Variants in POFUT3 observed in about 807,000 individuals in gnomAD.
The protein encoded by POFUT3 is GDP-fucose protein O-fucosyltransferase 3.
the POFUT3 span, among the ~76,000 whole-genome samples, chr8:33,325,619 T>TTC: frequency 6.6e-6 from 1 of 152,238 alleles, no homozygotes; most frequent in African/African-American, 2.4e-5. Flanking sequence ...CTTTACAATA[T>TTC]TGTAGCAGAT....
the POFUT3 span, among the ~76,000 whole-genome samples, chr8:33,458,835 G>A: frequency 6.6e-6 from 1 of 152,198 alleles, no homozygotes. Flanking sequence ...CAAGGAAAGA[G>A]ACACATGTTG....
chr8:33,376,103 T>C, the POFUT3 span, among the ~76,000 whole-genome samples: 1 of 151,816 alleles, frequency 6.6e-6, no homozygotes, highest in Non-Finnish European at 1.5e-5. Context: ...AATATTGTGG[T>C]TGCTTCTGGG....
At chr8:33,310,738 G>A in the POFUT3 span, among the ~76,000 whole-genome samples, 548 of 150,374 alleles carry the variant, frequency 3.6e-3, 3 homozygotes, top group African/African-American at 0.012. Context: ...GAACATTGTC[G>A]AGCAGAGCTG....
At chr8:33,379,864 T>A in the POFUT3 span, among the ~76,000 whole-genome samples, 60 of 123,980 alleles carry the variant, frequency 4.8e-4, no homozygotes, top group African/African-American at 1.7e-3. Flanking sequence ...TATATATATA[T>A]AATATATATA....
the POFUT3 span, among the ~76,000 whole-genome samples, chr8:33,365,771 G>C: frequency 6.6e-6 from 1 of 152,196 alleles, no homozygotes; most frequent in East Asian, 1.9e-4. Flanking sequence ...TGCTGAAGAG[G>C]ATGTGGAGAA....
the POFUT3 span, chr8:33,389,839 G>T: frequency 2.1e-6 from 3 of 1,418,892 alleles, no homozygotes; most frequent in Non-Finnish European, 3.0e-6. Context: ...ATTTCCAAAA[G>T]ATGTTGCTAA....
At chr8:33,448,049 T>C in the POFUT3 span, among the ~76,000 whole-genome samples, 1 of 152,134 alleles carries the variant, frequency 6.6e-6, no homozygotes, top group Non-Finnish European at 1.5e-5. Flanking sequence ...TCTATTCAAA[T>C]ATGGTCTAGG....
At chr8:33,326,566 T>C in the POFUT3 span, among the ~76,000 whole-genome samples, 1 of 152,308 alleles carries the variant, frequency 6.6e-6, no homozygotes, top group African/African-American at 2.4e-5. Flanking sequence ...CCTACTGAGC[T>C]CAGGAGCTCG....
At chr8:33,357,495 A>AAC in the POFUT3 span, among the ~76,000 whole-genome samples, 1 of 147,908 alleles carries the variant, frequency 6.8e-6, no homozygotes, top group East Asian at 2.0e-4. Context: ...TCCTCTTGCA[A>AAC]ATATATATAT....
the POFUT3 span, among the ~76,000 whole-genome samples, chr8:33,358,192 G>C: frequency 6.6e-6 from 1 of 152,224 alleles, no homozygotes; most frequent in Non-Finnish European, 1.5e-5. Flanking sequence ...GGTCTAGGCT[G>C]CAGTGAGCCA....
chr8:33,341,889 T>C, the POFUT3 span, among the ~76,000 whole-genome samples: 39 of 151,958 alleles, frequency 2.6e-4, no homozygotes, highest in African/African-American at 8.2e-4. Flanking sequence ...CAAGACTCCA[T>C]CTCTACAAAA....
At chr8:33,411,564 A>G in the POFUT3 span, among the ~76,000 whole-genome samples, 46,095 of 152,084 alleles carry the variant, frequency 0.3, 7,109 homozygotes, top group South Asian at 0.44. Context: ...CGAGGTGGGC[A>G]ATCGCCTGAG....
At chr8:33,456,794 G>A in the POFUT3 span, among the ~76,000 whole-genome samples, 1 of 139,156 alleles carries the variant, frequency 7.2e-6, no homozygotes, top group East Asian at 2.1e-4. Context: ...TTTTGAGACA[G>A]AGTCTCGCTC....
the POFUT3 span, among the ~76,000 whole-genome samples, chr8:33,442,921 T>A: frequency 1.3e-4 from 20 of 152,262 alleles, no homozygotes; most frequent in South Asian, 4.1e-3. Flanking sequence ...CCCCATAATG[T>A]TTAGCAACAT....
chr8:33,457,857 A>G, the POFUT3 span, among the ~76,000 whole-genome samples: 2 of 152,106 alleles, frequency 1.3e-5, no homozygotes, highest in African/African-American at 2.4e-5. Context: ...ACAATGTCTA[A>G]GTTTTCCTCC....
the POFUT3 span, among the ~76,000 whole-genome samples, chr8:33,400,379 G>A: frequency 2.5e-3 from 384 of 152,220 alleles, 4 homozygotes; most frequent in African/African-American, 8.9e-3. Flanking sequence ...CTTGAACCCG[G>A]AAGGCAGAGG....
At chr8:33,361,630 T>C in the POFUT3 span, among the ~76,000 whole-genome samples, 1 of 152,334 alleles carries the variant, frequency 6.6e-6, no homozygotes, top group African/African-American at 2.4e-5. Context: ...GGCAGCAATT[T>C]TGTGACTTCC....
chr8:33,363,564 G>A, the POFUT3 span, among the ~76,000 whole-genome samples: 6 of 151,694 alleles, frequency 4.0e-5, no homozygotes, highest in Admixed American at 2.0e-4. Flanking sequence ...TCAAATAGAC[G>A]CAATAAAAAA....
At chr8:33,455,482 C>G in the POFUT3 span, among the ~76,000 whole-genome samples, 1 of 152,138 alleles carries the variant, frequency 6.6e-6, no homozygotes, top group African/African-American at 2.4e-5. Context: ...TATGATTGCA[C>G]CACTGTACAG....
Sources: gnomAD v4.1 joint callset for allele counts (sites outside exome capture counted in the v4.1 genomes callset) on GRCh38, gnomAD v4.1.1 for gene constraint, MANE v1.5 for transcripts, NCBI Gene and HGNC (gene_info 2026-07-23, HGNC 2026-07-21) for gene names.